Variants in DGKB observed in about 807,000 individuals in gnomAD.
DGKB encodes the protein diacylglycerol kinase beta, also known as 90 kDa diacylglycerol kinase.
In DGKB, 67 loss-of-function variants were observed where a neutral mutation model predicts 114.3. That is an observed-to-expected ratio of 0.59 (90% CI 0.48 to 0.72). The LOEUF (loss-of-function observed/expected upper bound fraction) is 0.72. DGKB is among the 30% of genes least tolerant of loss of function. The pLI, the probability that DGKB is intolerant of heterozygous loss-of-function variation, is 0.00. For synonymous variants in DGKB, 398 were observed against 323.1 expected (o/e 1.23, Z -2.49); for missense variants, 907 against 975.2 (o/e 0.93, Z 0.93).
At chr7:14,721,931 A>G (rs892757069) in intron 5 of DGKB, among the ~76,000 whole-genome samples, 1 of 152,190 alleles carries the variant, frequency 6.6e-6, no homozygotes, top group Non-Finnish European at 1.5e-5. Flanking sequence ...ACTGCTTTAT[A>G]TCTTTCCTTC....
intron 2 of DGKB, among the ~76,000 whole-genome samples, chr7:14,831,556 G>A (rs977056504): frequency 6.6e-6 from 1 of 152,020 alleles, no homozygotes; most frequent in Admixed American, 6.6e-5. Flanking sequence ...TTGTGCAGAT[G>A]TGACCTGGCC....
chr7:14,769,488 T>C (rs553497644), intron 2 of DGKB, among the ~76,000 whole-genome samples: 84 of 152,070 alleles, frequency 5.5e-4, no homozygotes, highest in African/African-American at 1.9e-3. Flanking sequence ...ATTGGGATTT[T>C]TTTTTAACAA....
At chr7:14,511,143 T>G (rs750600228) in intron 20 of DGKB, among the ~76,000 whole-genome samples, 1 of 152,210 alleles carries the variant, frequency 6.6e-6, no homozygotes, top group Non-Finnish European at 1.5e-5. Flanking sequence ...AGTCAGCCAG[T>G]CCTTTGAAGC....
intron 7 of DGKB, among the ~76,000 whole-genome samples, chr7:14,701,181 T>C (rs925417041): frequency 1.3e-5 from 2 of 152,172 alleles, no homozygotes; most frequent in Non-Finnish European, 2.9e-5. Context: ...AAAAGCAAAG[T>C]TTGTGAAAGC....
At chr7:14,473,078 G>A (rs1022473249) in intron 21 of DGKB, among the ~76,000 whole-genome samples, 1 of 152,302 alleles carries the variant, frequency 6.6e-6, no homozygotes, top group African/African-American at 2.4e-5. Flanking sequence ...GGAGTCAAAC[G>A]TTAATCCCCA....
At chr7:14,303,364 G>A (rs2128491721) in intron 23 of DGKB, among the ~76,000 whole-genome samples, 1 of 152,136 alleles carries the variant, frequency 6.6e-6, no homozygotes, top group African/African-American at 2.4e-5. Context: ...AAGAAAGAAT[G>A]TTTCACCTAA....
intron 17 of DGKB, among the ~76,000 whole-genome samples, chr7:14,604,726 G>A (rs180986667): frequency 6.6e-6 from 1 of 152,092 alleles, no homozygotes; most frequent in African/African-American, 2.4e-5. Context: ...GGGCAATACA[G>A]CTAGAAAACA....
chr7:14,309,958 T>C (rs1047266305), intron 23 of DGKB, among the ~76,000 whole-genome samples: 1 of 152,134 alleles, frequency 6.6e-6, no homozygotes, highest in Non-Finnish European at 1.5e-5. Context: ...CACTCTACTA[T>C]GATATTAAGA....
chr7:14,313,191 CT>C (rs895782181), intron 23 of DGKB, among the ~76,000 whole-genome samples: 51 of 152,332 alleles, frequency 3.3e-4, no homozygotes, highest in African/African-American at 1.2e-3. Context: ...ACATATCACT[CT>C]TTTTCCCAAC....
chr7:14,671,523 G>T (rs544296223), intron 13 of DGKB, among the ~76,000 whole-genome samples: 5 of 152,080 alleles, frequency 3.3e-5, no homozygotes, highest in African/African-American at 9.7e-5. Flanking sequence ...GAAAATTCAC[G>T]TAACACACGC....
chr7:14,437,540 C>T (rs1235299159), intron 21 of DGKB, among the ~76,000 whole-genome samples: 1 of 151,684 alleles, frequency 6.6e-6, no homozygotes. Context: ...ATTTACTTAC[C>T]AAATGTGATT....
intron 20 of DGKB, among the ~76,000 whole-genome samples, chr7:14,513,660 A>G (rs1232875404): frequency 6.6e-6 from 1 of 152,034 alleles, no homozygotes; most frequent in Non-Finnish European, 1.5e-5. Context: ...GTCAAATTTT[A>G]CACTAAAATA....
At chr7:14,946,219 A>G (rs561662724) in intron 1 of DGKB, among the ~76,000 whole-genome samples, 1 of 151,550 alleles carries the variant, frequency 6.6e-6, no homozygotes, top group Non-Finnish European at 1.5e-5. Flanking sequence ...TAGGTTCTAC[A>G]GCATTTGTGC....
chr7:14,776,856 G>T (rs569195877), intron 2 of DGKB, among the ~76,000 whole-genome samples: 1 of 152,138 alleles, frequency 6.6e-6, no homozygotes, highest in African/African-American at 2.4e-5. Flanking sequence ...CCAGACCCCA[G>T]AATGGTAGGT....
chr7:14,800,125 C>T (rs1841957110), intron 2 of DGKB, among the ~76,000 whole-genome samples: 1 of 152,062 alleles, frequency 6.6e-6, no homozygotes, highest in Admixed American at 6.6e-5. Flanking sequence ...ACCATTTTAG[C>T]CAGGATGGTC....
intron 1 of DGKB, among the ~76,000 whole-genome samples, chr7:14,901,331 C>T (rs970367676): frequency 6.6e-6 from 1 of 152,096 alleles, no homozygotes; most frequent in Admixed American, 6.5e-5. Context: ...TAAGAGTAGT[C>T]CTTGGTTACC....
intron 5 of DGKB, among the ~76,000 whole-genome samples, chr7:14,734,383 G>A (rs1036483925): frequency 1.3e-5 from 2 of 152,016 alleles, no homozygotes; most frequent in African/African-American, 4.8e-5. Flanking sequence ...ACTAGAGCTG[G>A]GACTCGCTAG....
chr7:14,530,229 T>TA (rs1213842106), intron 20 of DGKB, among the ~76,000 whole-genome samples: 2 of 151,518 alleles, frequency 1.3e-5, no homozygotes, highest in African/African-American at 4.8e-5. Flanking sequence ...CTAATTTTTT[T>TA]AAAAAAATTA....
chr7:14,762,485 A>G lies in DGKB; in HGVS notation c.71-4754T>C, dbSNP rs546813710. On this transcript the variant is annotated intron_variant, in intron 2 of 25. Transcript: ENST00000402815. ...TTTAACGATTTTCAAGAAAAATTAA[A>G]GACCCTTTACATTAGTCTGAATTGA... 5.3e-5 allele frequency among the ~76,000 whole-genome samples: 8 copies of G among 152,294 alleles called. No individual in the cohort carries two copies. In the South Asian group the frequency reaches 1.7e-3, roughly 32 times the overall value.
Sources: gnomAD v4.1 joint callset for allele counts (sites outside exome capture counted in the v4.1 genomes callset) on GRCh38, gnomAD v4.1.1 for gene constraint, MANE v1.5 for transcripts, NCBI Gene and HGNC (gene_info 2026-07-23, HGNC 2026-07-21) for gene names.